The following MORC3 variants were observed in gnomAD, a reference collection of about 807,000 sequenced individuals.
MORC3 encodes the protein MORC family CW-type zinc finger 3.
A neutral mutation model predicts 109.1 loss-of-function variants in MORC3; 31 were observed. The observed-to-expected ratio is 0.28, with a 90% CI of 0.21 to 0.38. The LOEUF (loss-of-function observed/expected upper bound fraction) is 0.38. Among genes scored for constraint, MORC3 ranks in the 10% least tolerant of loss-of-function variants. The pLI is 1.00. For synonymous variants in MORC3, 395 were observed against 380.7 expected (o/e 1.04, Z -0.44); for missense variants, 867 against 1,135.8 (o/e 0.76, Z 3.40).
At chr21:36,340,230 A>G (rs1477660851) in intron 5 of MORC3, among the ~76,000 whole-genome samples, 4 of 151,686 alleles carry the variant, frequency 2.6e-5, no homozygotes. Context: ...GTGAGCCGAG[A>G]TAGCACCACT....
chr21:36,341,818 A>T (rs2146305036), intron 6 of MORC3, among the ~76,000 whole-genome samples: 1 of 152,324 alleles, frequency 6.6e-6, no homozygotes, highest in Middle Eastern at 3.4e-3. Context: ...CAGGCCTAAC[A>T]ATGCTTGTAG....
rs1246416770 is a variant in MORC3 at position 36,320,272 on chromosome 21, C to G, written c.8C>G (p.Ala3Gly). 6.3e-7 allele frequency: 1 copy of G among 1,579,158 alleles called. No homozygotes were observed. Among genetic ancestry groups the G allele is most frequent in the Non-Finnish European group, 8.6e-7 (1 of 1,164,388 alleles). The change falls in exon 1 of 17, where the codon GCG becomes GGG. Residue 3 changes from alanine to glycine, a missense_variant. Ala to Gly is a moderately conservative substitution (Grantham distance 60). Around this residue, in one of 7 missense-constraint regions of MORC3, gnomAD observed 33 missense variants for 18.5 expected, o/e 1.78. Coordinates refer to ENST00000400485, the MANE Select transcript of MORC3 (RefSeq NM_015358.3). ...CTTTGTAGCTCGCTCAAGATGGCGG[C>G]GCAGCCACCCCGCGGGATACGCCTC... MA[A>G]QPPRGIRLSA...
chr21:36,338,704 ATAGAGT>A, intron 4 of MORC3, 64 bp from the exon 5 acceptor site: 1 of 1,385,652 alleles, frequency 7.2e-7, no homozygotes, highest in South Asian at 1.4e-5. Flanking sequence ...ATTTAAGTTT[ATAGAGT>A]TAGTTTTCAT....
At chr21:36,370,782 G>C (rs1290799756) in intron 15 of MORC3, among the ~76,000 whole-genome samples, 1 of 150,238 alleles carries the variant, frequency 6.7e-6, no homozygotes, top group Non-Finnish European at 1.5e-5. Context: ...CGATTCTCCT[G>C]CCTCAGCGTC....
At position 36,321,145 on chromosome 21, in the gene MORC3, G is replaced by C. The variant is rs373769047; in HGVS notation, c.39+842G>C. On this transcript the variant is annotated intron_variant, in intron 1 of 16. Transcript: ENST00000400485. ...GCCACTAATTTTAACATTCGAATGGGTAGTGACTCCTTGGGGTACAAACAC... is the reference window on the plus strand; with the variant it reads ...GCCACTAATTTTAACATTCGAATGGCTAGTGACTCCTTGGGGTACAAACAC... Among the ~76,000 whole-genome samples the C allele has an allele frequency of 6.0e-4, 91 of 152,294 alleles. No individual in the cohort carries two copies. In the South Asian group the frequency reaches 0.018, roughly 31 times the overall value.
intron 9 of MORC3, among the ~76,000 whole-genome samples, chr21:36,356,399 T>A (rs1220099527): frequency 6.6e-6 from 1 of 152,194 alleles, no homozygotes; most frequent in Admixed American, 6.5e-5. Context: ...TTTCAAATTG[T>A]TATAACTCTC....
intron 9 of MORC3, among the ~76,000 whole-genome samples, chr21:36,355,055 C>T (rs1490866221): frequency 6.6e-6 from 1 of 152,188 alleles, no homozygotes; most frequent in Non-Finnish European, 1.5e-5. Context: ...ATTTCTTTCA[C>T]AGCTTTTTCT....
intron 10 of MORC3, 32 bp downstream of exon 10, chr21:36,356,756 T>A: frequency 7.4e-7 from 1 of 1,344,948 alleles, no homozygotes; most frequent in South Asian, 1.3e-5. Context: ...ATCATTTCAC[T>A]TAGATATCAA....
chr21:36,365,701 G>A (rs760120793), intron 14 of MORC3, among the ~76,000 whole-genome samples: 7 of 151,990 alleles, frequency 4.6e-5, no homozygotes, highest in Non-Finnish European at 8.8e-5. Flanking sequence ...CCACCTCAGC[G>A]TCCCGAGTAG....
intron 2 of MORC3, among the ~76,000 whole-genome samples, chr21:36,335,919 T>C (rs1457438727): frequency 3.3e-5 from 5 of 152,010 alleles, no homozygotes; most frequent in African/African-American, 1.2e-4. Flanking sequence ...AGTCTCTCTC[T>C]TTTTTTCTTT....
chr21:36,362,236 A>G lies in MORC3; in HGVS notation c.1452+8A>G, dbSNP rs2085725577. The G allele has an allele frequency of 1.9e-6, 3 of 1,591,070 alleles. No individual in the cohort carries two copies. The highest frequency in any genetic ancestry group is 2.6e-6 in the Non-Finnish European group (3 of 1,172,360). Reference sequence around the variant, plus strand: ...CCGGAAATGATCCCTCGGGTAATTAAGCCTTCTTTTTTTTTTTTTTTTTTA... The same window carrying G: ...CCGGAAATGATCCCTCGGGTAATTAGGCCTTCTTTTTTTTTTTTTTTTTTA... On this transcript the variant is annotated splice_region_variant and intron_variant, in intron 13 of 16. Transcript: ENST00000400485.
intron 1 of MORC3, chr21:36,320,690 C>G (rs772307858): frequency 2.4e-4 from 47 of 196,822 alleles, no homozygotes; most frequent in Non-Finnish European, 3.9e-4. Context: ...GAGCGGGTTC[C>G]GCGTCCAGAA....
chr21:36,326,252 G>A (rs1040815827), intron 1 of MORC3, among the ~76,000 whole-genome samples: 1 of 150,448 alleles, frequency 6.6e-6, no homozygotes, highest in East Asian at 2.0e-4. Context: ...GGCCAGGCTC[G>A]GTGGCTCATG....
chr21:36,353,914 T>TA (rs1174553138), intron 9 of MORC3, among the ~76,000 whole-genome samples: 1 of 150,872 alleles, frequency 6.6e-6, no homozygotes, highest in African/African-American at 2.4e-5. Flanking sequence ...CTACTAAAAA[T>TA]AAAAAAATTA....
rs746273838 is a variant in MORC3 at position 36,372,538 on chromosome 21, T to C, written c.2666+7T>C. On this transcript the variant is annotated splice_region_variant and intron_variant, in intron 16 of 16. Transcript: ENST00000400485. The stretch of plus-strand genomic sequence containing the variant: ...ATCATATGGATGGAGAAAGGTAATA[T>C]TAAATGAGGCGTTTTTGTGGGGCTG... 1 of 1,569,470 alleles carries C rather than the reference T, an allele frequency of 6.4e-7. No homozygotes were observed. Among genetic ancestry groups the C allele is most frequent in the Non-Finnish European group, 8.6e-7 (1 of 1,166,306 alleles).
In MORC3 at chr21:36,344,463, A is replaced by G. The variant is rs187808875; in HGVS notation, c.757-116A>G. ...AACATACAGCTTTATAGCCTATTTT[A>G]TTGAAGAGTTAATTGATCTTTTATC... On this transcript the variant is annotated intron_variant, in intron 6 of 16. Coordinates refer to ENST00000400485, the MANE Select transcript of MORC3 (RefSeq NM_015358.3). 2,050 of 1,213,274 alleles carry G rather than the reference A, an allele frequency of 1.7e-3. 3 individuals are homozygous for G. The highest frequency in any genetic ancestry group is 4.1e-3 in the South Asian group (268 of 64,728). The allele number at this position is 1,213,274 out of a possible 1,614,324, so 75.2% of individuals were successfully genotyped here.
chr21:36,346,066 G>A (rs1169547558), intron 8 of MORC3, among the ~76,000 whole-genome samples: 2 of 152,038 alleles, frequency 1.3e-5, no homozygotes, highest in Non-Finnish European at 2.9e-5. Flanking sequence ...TGTCACCCAG[G>A]CTGGAGTGCA....
chr21:36,332,660 A>G (rs967844559), intron 1 of MORC3, among the ~76,000 whole-genome samples: 2 of 152,170 alleles, frequency 1.3e-5, no homozygotes, highest in South Asian at 2.1e-4. Flanking sequence ...CTGGAGTACA[A>G]ATTGCCCTAA....
rs369567761 is a variant in MORC3, at chr21:36,333,793, T to TGTTTTG, written c.112+75_112+76insGTTTTG. The TGTTTTG allele has an allele frequency of 6.0e-3, 7,706 of 1,288,076 alleles. 279 individuals carry two copies. In the African/African-American group the frequency reaches 0.086, roughly 14 times the overall value. 79.8% of individuals were successfully genotyped at this position (1,288,076 alleles called of 1,614,324 possible). A position where few individuals can be genotyped will look rare whatever the true frequency, so the allele number is the denominator to read the frequency against. On this transcript the variant is annotated intron_variant, in intron 2 of 16. Transcript: ENST00000400485. ...TTTTTTTTTTTGTTTTGTTTTGTTT[T>TGTTTTG]TTTTTTTTAAACAGAGTCTCTCTCT...
Sources: allele counts gnomAD v4.1 joint callset (sites outside exome capture counted in the v4.1 genomes callset), GRCh38; gene constraint gnomAD v4.1.1; regional missense constraint gnomAD v4.1.1; transcripts MANE v1.5; gene names NCBI Gene and HGNC (gene_info 2026-07-23, HGNC 2026-07-21).